Variants in EVC observed in about 807,000 individuals in gnomAD.
EVC encodes evC complex member EVC.
In EVC, 116 loss-of-function variants were observed where a neutral mutation model predicts 118.9. That is an observed-to-expected ratio of 0.98 (90% confidence interval 0.84 to 1.14). The LOEUF (loss-of-function observed/expected upper bound fraction) is 1.14, where lower values mean the gene tolerates loss of function less well. Among genes scored for constraint, EVC ranks in the 50% most tolerant of loss-of-function variants. EVC has a pLI of 0.00. For synonymous variants in EVC, 619 were observed against 534.7 expected, an observed-to-expected ratio of 1.16 and a Z score of -2.18; for missense variants, 1,401 against 1,246.4, an observed-to-expected ratio of 1.12 and a Z score of -1.87.
chr4:5,770,998 C>G (rs559093519), intron 11 of EVC, among the ~76,000 whole-genome samples: 3 of 145,892 alleles, frequency 2.1e-5, no homozygotes, highest in Non-Finnish European at 3.0e-5. Context: ...GGTGACAGAG[C>G]GAGACTTCAT....
chr4:5,807,806 G>A (rs1716170388), intron 17 of EVC, among the ~76,000 whole-genome samples: 1 of 152,170 alleles, frequency 6.6e-6, no homozygotes, highest in African/African-American at 2.4e-5. Context: ...CTCCTCCCTG[G>A]GGAAAAGATT....
At chr4:5,795,132 T>C (rs188189361) in intron 13 of EVC, among the ~76,000 whole-genome samples, 138 of 152,338 alleles carry the variant, frequency 9.1e-4, no homozygotes, top group South Asian at 2.5e-3. Context: ...CAATCCACCA[T>C]TGATGAACAC....
At chr4:5,806,096 T>C (rs1715863507) in intron 17 of EVC, among the ~76,000 whole-genome samples, 1 of 151,828 alleles carries the variant, frequency 6.6e-6, no homozygotes, top group Non-Finnish European at 1.5e-5. Context: ...TTTTTTTTTT[T>C]TGAGACAGAG....
intron 18 of EVC, among the ~76,000 whole-genome samples, chr4:5,808,620 G>T (rs889597313): frequency 4.6e-5 from 7 of 152,250 alleles, no homozygotes; most frequent in Admixed American, 2.0e-4. Flanking sequence ...AGAGAATTGA[G>T]CATTCCCCTG....
chr4:5,790,851 T>C (rs1439816488), intron 12 of EVC, among the ~76,000 whole-genome samples: 1 of 152,168 alleles, frequency 6.6e-6, no homozygotes, highest in Non-Finnish European at 1.5e-5. Context: ...CTCAGCACTT[T>C]GGGAGGCCGA....
chr4:5,821,753 T>C, the EVC span: 1 of 1,605,790 alleles, frequency 6.2e-7, no homozygotes, highest in Admixed American at 1.7e-5. The surrounding 1 kb of genome is among the most constrained non-coding windows in gnomAD (Gnocchi z 4.4). Context: ...CCTCCGCGCA[T>C]CCACGTTCAA....
At chr4:5,803,973 C>T (rs940199417) in intron 16 of EVC, among the ~76,000 whole-genome samples, 3 of 150,122 alleles carry the variant, frequency 2.0e-5, no homozygotes, top group African/African-American at 4.9e-5. Flanking sequence ...CTGAGTCTCA[C>T]TCAATCGCCC....
rs151292290 is a variant in EVC at position 5,719,186 on chromosome 4, A to C, written c.175-62A>C. 6.2e-7 allele frequency: 1 copy of C among 1,611,226 alleles called. No individual in the cohort carries two copies. Among genetic ancestry groups the C allele is most frequent in the Non-Finnish European group, 8.5e-7 (1 of 1,178,130 alleles). On this transcript the variant is annotated intron_variant, in intron 1 of 20. Coordinates refer to ENST00000264956, the MANE Select transcript of EVC (RefSeq NM_153717.3). This position sits in a 1 kb window ranked among gnomAD's most constrained non-coding sequence, Gnocchi z 4.7. The stretch of plus-strand genomic sequence containing the variant: ...ACTGGCAAAAGTCACGGTGGGGACC[A>C]GGCCGACTGACCTCAATGTTGTGTT...
intron 6 of EVC, among the ~76,000 whole-genome samples, chr4:5,744,176 A>G (rs1729021696): frequency 6.6e-6 from 1 of 152,232 alleles, no homozygotes; most frequent in Non-Finnish European, 1.5e-5. Context: ...TGGAAGAGTA[A>G]GGACAAGCCT....
rs2152069958 is a variant in EVC, at chr4:5,751,547, T to C, written c.1099-1289T>C. On this transcript the variant is annotated intron_variant, in intron 8 of 20. Coordinates refer to ENST00000264956, the MANE Select transcript of EVC (RefSeq NM_153717.3). Reference sequence around the variant, plus strand: ...CGTCCTTGTCCATCGCTGGGGGATGTTCTTGCCCTAGTCTTGTGTTGTGGG... The same window carrying C: ...CGTCCTTGTCCATCGCTGGGGGATGCTCTTGCCCTAGTCTTGTGTTGTGGG... 2.6e-5 allele frequency among the ~76,000 whole-genome samples: 4 copies of C among 152,358 alleles called. No homozygotes were observed. The South Asian group carries it at 8.3e-4, about 32-fold the overall frequency.
rs114585973 is a variant in EVC, at chr4:5,755,996, G to A, written c.1465-268G>A. On this transcript the variant is annotated intron_variant, in intron 10 of 20. Transcript: ENST00000264956. This position sits in a 1 kb window ranked among gnomAD's most constrained non-coding sequence, Gnocchi z 4.1. Reference sequence around the variant, plus strand: ...GTGGCTGCAGCCAGGACAGAGGAGTGACAGAAGTGGTCCAGTGGCCCCTCC... The same window carrying A: ...GTGGCTGCAGCCAGGACAGAGGAGTAACAGAAGTGGTCCAGTGGCCCCTCC... Among the ~76,000 whole-genome samples the A allele has an allele frequency of 6.6e-6, 1 of 152,186 alleles. No homozygotes were observed. The highest frequency in any genetic ancestry group is 1.5e-5 in the Non-Finnish European group (1 of 68,036).
chr4:5,819,894 C>T, the EVC span, among the ~76,000 whole-genome samples: 1 of 152,196 alleles, frequency 6.6e-6, no homozygotes, highest in South Asian at 2.1e-4. Flanking sequence ...TCAACCTTGA[C>T]AAAGGTATCC....
chr4:5,796,894 G>A, intron 13 of EVC, 128 bp from the exon 14 acceptor site: 1 of 763,386 alleles, frequency 1.3e-6, no homozygotes. Context: ...GATGGCAGCA[G>A]AGGGCGGTGA....
intron 11 of EVC, among the ~76,000 whole-genome samples, chr4:5,778,257 G>T (rs923244120): frequency 6.6e-6 from 1 of 151,736 alleles, no homozygotes; most frequent in African/African-American, 2.4e-5. Context: ...ATTTGGGTTG[G>T]TTCCAAGTCT....
rs367907537 is a variant in EVC, at chr4:5,794,235, A to G, written c.1886+518A>G. 6.5e-4 allele frequency among the ~76,000 whole-genome samples: 51 copies of G among 78,028 alleles called. 1 individual carries two copies. The South Asian group carries it at 0.012, about 18-fold the overall frequency. The allele number at this position is 78,028 out of a possible 152,430, so 51.2% of individuals were successfully genotyped here. A position where few individuals can be genotyped will look rare whatever the true frequency, so the allele number is the denominator to read the frequency against. On this transcript the variant is annotated intron_variant, in intron 13 of 20. Coordinates refer to ENST00000264956, the MANE Select transcript of EVC (RefSeq NM_153717.3). Reference sequence around the variant, plus strand: ...CTTTCATTATGAGAAAAATATATATATATTTATATATATATTTATATGTAT... The same window carrying G: ...CTTTCATTATGAGAAAAATATATATGTATTTATATATATATTTATATGTAT...
intron 12 of EVC, among the ~76,000 whole-genome samples, chr4:5,785,463 G>A (rs920527177): frequency 6.6e-6 from 1 of 152,170 alleles, no homozygotes; most frequent in African/African-American, 2.4e-5. Flanking sequence ...CAATTCCTTG[G>A]GGCAATAGAA....
chr4:5,782,183 C>T (rs1011688245), intron 11 of EVC, among the ~76,000 whole-genome samples: 28 of 152,076 alleles, frequency 1.8e-4, no homozygotes, highest in Admixed American at 4.6e-4. Context: ...AAGTGATTCT[C>T]CTGCCTCAGC....
rs1239044972 is a variant in EVC, at chr4:5,814,031, G to A, written c.*2994G>A. The stretch of plus-strand genomic sequence containing the variant: ...ACACTGCATTTTAGCCAGTGTACCT[G>A]GGCACAGACTCGGGGCTGCCCTGAA... On this transcript the variant is annotated 3_prime_UTR_variant, in exon 21 of 21. Coordinates refer to ENST00000264956, the MANE Select transcript of EVC (RefSeq NM_153717.3). 1 of 152,254 alleles carries A rather than the reference G, an allele frequency of 6.6e-6. No homozygotes were observed. The highest frequency in any genetic ancestry group is 1.5e-5 in the Non-Finnish European group (1 of 68,066). 9.4% of individuals were successfully genotyped at this position (152,254 alleles called of 1,614,324 possible). A position where few individuals can be genotyped will look rare whatever the true frequency, so the allele number is the denominator to read the frequency against.
At chr4:5,794,345 A>ATTTT (rs1380699076) in intron 13 of EVC, among the ~76,000 whole-genome samples, 1 of 52,824 alleles carries the variant, frequency 1.9e-5, no homozygotes, top group African/African-American at 4.5e-5. Context: ...TTATATACTT[A>ATTTT]TATATATATT....
Sources: gnomAD v4.1 joint callset for allele counts (sites outside exome capture counted in the v4.1 genomes callset) on GRCh38, gnomAD v4.1.1 for gene constraint, Gnocchi (gnomAD v3.1) non-coding constraint, MANE v1.5 for transcripts, NCBI Gene and HGNC (gene_info 2026-07-23, HGNC 2026-07-21) for gene names.